Variants in PIP5K1B observed in about 807,000 individuals in gnomAD.
The protein encoded by PIP5K1B is phosphatidylinositol 4-phosphate 5-kinase type-1 beta.
Under a neutral mutation model 67.0 loss-of-function variants are expected in PIP5K1B, and 42 were observed. That is an observed-to-expected ratio of 0.63 (90% confidence interval 0.49 to 0.81). The LOEUF is 0.81. Ranked by LOEUF, PIP5K1B falls within the 30% of genes least tolerant of loss-of-function variation. The pLI, the probability that PIP5K1B is intolerant of heterozygous loss-of-function variation, is 0.00. For synonymous variants in PIP5K1B, 214 were observed against 231.4 expected, an observed-to-expected ratio of 0.92 and a Z score of 0.68; for missense variants, 459 against 646.3, an observed-to-expected ratio of 0.71 and a Z score of 3.14.
chr9:68,826,318 G>C (rs780771921), intron 4 of PIP5K1B, among the ~76,000 whole-genome samples: 1 of 152,182 alleles, frequency 6.6e-6, no homozygotes, highest in Non-Finnish European at 1.5e-5. Context: ...ATGGTAAACA[G>C]AACCCACGCC....
At chr9:68,892,478 T>C (rs1824843355) in intron 7 of PIP5K1B, among the ~76,000 whole-genome samples, 1 of 152,230 alleles carries the variant, frequency 6.6e-6, no homozygotes, top group Non-Finnish European at 1.5e-5. Flanking sequence ...TATGTGAATT[T>C]GTCTACTTAC....
chr9:68,754,427 C>G (rs1195755719), intron 2 of PIP5K1B, among the ~76,000 whole-genome samples: 1 of 151,910 alleles, frequency 6.6e-6, no homozygotes, highest in Non-Finnish European at 1.5e-5. Context: ...CCTCAGCCTC[C>G]CAAAGTGCTG....
At chr9:68,990,624 T>C (rs992481124) in intron 14 of PIP5K1B, among the ~76,000 whole-genome samples, 1 of 149,312 alleles carries the variant, frequency 6.7e-6, no homozygotes, top group Non-Finnish European at 1.5e-5. Context: ...GTATCTCGTG[T>C]GCTGGTAGAG....
intron 4 of PIP5K1B, among the ~76,000 whole-genome samples, chr9:68,863,628 A>G (rs879874678): frequency 3.3e-5 from 5 of 152,260 alleles, no homozygotes; most frequent in Admixed American, 6.5e-5. Context: ...AAGAAACATT[A>G]TCACAAAAAA....
Position 68,822,662 on chromosome 9 carries a change from T to C in PIP5K1B, c.48T>C (p.Asn16=), listed in dbSNP as rs777533751. ...GAGAGGCAGCACCTGGAAAACAAAA[T>C]GAAGAAAAAACCTATAAAAAGGTGA... ...ENGEAAPGKQ[N]EEKTYKKTAS... Residue 16 remains asparagine, a synonymous_variant, in exon 4 of 16, where the codon AAT becomes AAC. Coordinates refer to ENST00000265382, the MANE Select transcript of PIP5K1B (RefSeq NM_003558.4). 5.6e-6 allele frequency: 9 copies of C among 1,613,104 alleles called. No homozygotes were observed. The African/African-American group carries it at 1.1e-4, about 19-fold the overall frequency.
chr9:68,714,881 T>G (rs1827558962), intron 1 of PIP5K1B, among the ~76,000 whole-genome samples: 1 of 152,132 alleles, frequency 6.6e-6, no homozygotes, highest in African/African-American at 2.4e-5. Context: ...CAAGGTGCAC[T>G]CCACTCACTC....
rs58954806 is a variant in PIP5K1B, at chr9:68,748,613, C to CTTTTT, written c.-86+5973_-86+5977dup. Among the ~76,000 whole-genome samples the CTTTTT allele has an allele frequency of 9.6e-3, 945 of 98,136 alleles. 1 individual carries two copies. The highest frequency in any genetic ancestry group is 0.013 in the African/African-American group (344 of 26,094). The allele number at this position is 98,136 out of a possible 152,430, so 64.4% of individuals were successfully genotyped here. On this transcript the variant is annotated intron_variant, in intron 2 of 15. Transcript: ENST00000265382. ...GGCGGCTGAGTTTCAGATTTCTTTT[C>CTTTTT]TTTTTTTTTTTTTTTTTTTTTGTTT...
intron 2 of PIP5K1B, among the ~76,000 whole-genome samples, chr9:68,811,228 C>T (rs551581497): frequency 1.5e-3 from 223 of 152,292 alleles, no homozygotes; most frequent in Non-Finnish European, 2.2e-3. Context: ...GTTTCTCAGG[C>T]TTATTCCCCT....
At chr9:68,712,314 A>C (rs1367530899) in intron 1 of PIP5K1B, among the ~76,000 whole-genome samples, 1 of 152,168 alleles carries the variant, frequency 6.6e-6, no homozygotes, top group East Asian at 1.9e-4. Context: ...ACTGTGCCTT[A>C]TGTACGGCTT....
chr9:68,795,075 C>T (rs1399080312), intron 2 of PIP5K1B, among the ~76,000 whole-genome samples: 1 of 152,122 alleles, frequency 6.6e-6, no homozygotes. Flanking sequence ...CTGATCCTTC[C>T]GGCTCTAGGT....
At chr9:68,777,262 C>A (rs1181935999) in intron 2 of PIP5K1B, among the ~76,000 whole-genome samples, 1 of 152,192 alleles carries the variant, frequency 6.6e-6, no homozygotes, top group African/African-American at 2.4e-5. Flanking sequence ...AATGATTCAA[C>A]AAGTACTTAC....
intron 6 of PIP5K1B, among the ~76,000 whole-genome samples, chr9:68,883,871 T>A (rs1355763442): frequency 6.6e-6 from 1 of 151,976 alleles, no homozygotes; most frequent in Non-Finnish European, 1.5e-5. Context: ...AATAGACTTT[T>A]GACAGAAGTG....
At chr9:68,788,811 C>T (rs1044181081) in intron 2 of PIP5K1B, 1 of 247,598 alleles carries the variant, frequency 4.0e-6, no homozygotes, top group South Asian at 5.3e-5. Context: ...TACAAGTGAA[C>T]TACTGTCTCA....
chr9:68,871,648 C>A (rs1435474237), intron 5 of PIP5K1B, among the ~76,000 whole-genome samples: 2 of 152,134 alleles, frequency 1.3e-5, no homozygotes, highest in Non-Finnish European at 2.9e-5. Flanking sequence ...AACTTCTGTT[C>A]TTTATTTGAA....
intron 4 of PIP5K1B, among the ~76,000 whole-genome samples, chr9:68,861,413 G>C (rs1823062938): frequency 1.3e-5 from 2 of 152,202 alleles, no homozygotes; most frequent in South Asian, 2.1e-4. Flanking sequence ...CCTGAAGTTT[G>C]ATAACACTAG....
intron 14 of PIP5K1B, among the ~76,000 whole-genome samples, chr9:68,950,112 C>A (rs1827985916): frequency 6.6e-6 from 1 of 152,188 alleles, no homozygotes; most frequent in African/African-American, 2.4e-5. Context: ...CAGCCCCAAA[C>A]CTGCTTCCCA....
intron 8 of PIP5K1B, among the ~76,000 whole-genome samples, chr9:68,898,512 G>A (rs1298638217): frequency 6.6e-6 from 1 of 152,138 alleles, no homozygotes; most frequent in Non-Finnish European, 1.5e-5. Context: ...CAGAAAGCAG[G>A]ATTTATTCAA....
intron 13 of PIP5K1B, among the ~76,000 whole-genome samples, chr9:68,939,497 T>A (rs997403194): frequency 7.9e-5 from 12 of 152,264 alleles, no homozygotes; most frequent in Non-Finnish European, 1.5e-5. Flanking sequence ...TATTGAAGAT[T>A]GCAAGCCAGG....
chr9:68,971,663 C>A (rs1047037407), intron 14 of PIP5K1B, among the ~76,000 whole-genome samples: 7 of 152,216 alleles, frequency 4.6e-5, no homozygotes, highest in Admixed American at 3.9e-4. Context: ...TCTGTTGTTT[C>A]CTGACATTTT....
Sources: gnomAD v4.1 joint callset for allele counts (sites outside exome capture counted in the v4.1 genomes callset) on GRCh38, gnomAD v4.1.1 for gene constraint, MANE v1.5 for transcripts, NCBI Gene and HGNC (gene_info 2026-07-23, HGNC 2026-07-21) for gene names.